The following CUBN variants were observed in gnomAD, a reference collection of about 807,000 sequenced individuals.
CUBN encodes the protein 460 kDa receptor.
A neutral mutation model predicts 405.3 loss-of-function variants in CUBN; 282 were observed. That is an observed-to-expected ratio of 0.70 (90% CI 0.63 to 0.77). The LOEUF is 0.77. Ranked by LOEUF, CUBN falls within the 30% of genes least tolerant of loss-of-function variation. CUBN has a pLI of 0.00. For synonymous variants in CUBN, 1,684 were observed against 1,617.0 expected, an observed-to-expected ratio of 1.04 and a Z score of -0.99; for missense variants, 4,514 against 4,475.2, an observed-to-expected ratio of 1.01 and a Z score of -0.25.
intron 22 of CUBN, among the ~76,000 whole-genome samples, chr10:17,054,004 T>C (rs956897997): frequency 1.3e-5 from 2 of 152,082 alleles, no homozygotes; most frequent in Admixed American, 6.5e-5. Flanking sequence ...TTGGAAAATA[T>C]TTTGAACTGG....
intron 17 of CUBN, among the ~76,000 whole-genome samples, chr10:17,075,625 T>C (rs1835841803): frequency 6.6e-6 from 1 of 152,116 alleles, no homozygotes; most frequent in Non-Finnish European, 1.5e-5. Flanking sequence ...AAAGGCCTAA[T>C]AATAGTGAGG....
Position 16,835,119 on chromosome 10 carries a change from C to T in CUBN, c.10257G>A (p.Lys3419=). The T allele has an allele frequency of 1.9e-6, 3 of 1,614,056 alleles. No individual in the cohort carries two copies. Among genetic ancestry groups the T allele is most frequent in the Non-Finnish European group, 2.5e-6 (3 of 1,179,972 alleles). Reference sequence around the variant, plus strand: ...GGGCTGTGAGAGTAACGGTGCAATCCTTGTCATTGTCGTAGTTATCTGGCC... The same window carrying T: ...GGGCTGTGAGAGTAACGGTGCAATCTTTGTCATTGTCGTAGTTATCTGGCC... ...PGWPDNYDND[K]DCTVTLTAPQ... is the part of the protein sequence containing the mutation. Residue 3419 remains lysine (K), a synonymous_variant, in exon 64 of 67, where the codon AAG becomes AAA. Coordinates refer to ENST00000377833, the MANE Select transcript of CUBN (RefSeq NM_001081.4).
chr10:16,977,134 A>G (rs1367964227), intron 31 of CUBN, among the ~76,000 whole-genome samples: 1 of 152,092 alleles, frequency 6.6e-6, no homozygotes, highest in Non-Finnish European at 1.5e-5. Flanking sequence ...ACTATCTTTG[A>G]TAGTGTGTTG....
chr10:16,893,708 T>G (rs1191891688), intron 54 of CUBN, among the ~76,000 whole-genome samples: 1 of 152,196 alleles, frequency 6.6e-6, no homozygotes, highest in Non-Finnish European at 1.5e-5. Flanking sequence ...TAGTTTGTTT[T>G]TATTCAGGAG....
chr10:16,892,586 G>A (rs1205109951), intron 54 of CUBN, among the ~76,000 whole-genome samples: 1 of 152,022 alleles, frequency 6.6e-6, no homozygotes, highest in Non-Finnish European at 1.5e-5. Context: ...CGACCTTCTG[G>A]ACTCAGGTGA....
At chr10:16,900,567 T>C (rs778664495) in intron 53 of CUBN, 58 bp downstream of exon 53, 1 of 1,274,466 alleles carries the variant, frequency 7.8e-7, no homozygotes, top group Non-Finnish European at 1.1e-6. Context: ...GTACATATTA[T>C]GAGTTCATAC....
At chr10:16,831,606 G>A (rs1838997546) in intron 64 of CUBN, among the ~76,000 whole-genome samples, 189 bp from the exon 65 acceptor site, 1 of 152,188 alleles carries the variant, frequency 6.6e-6, no homozygotes. Flanking sequence ...AATGTTCCAC[G>A]TGTAGATCAA....
chr10:16,944,373 T>C (rs1842726770), intron 36 of CUBN, among the ~76,000 whole-genome samples: 2 of 152,232 alleles, frequency 1.3e-5, no homozygotes. Context: ...AAAACTCCTT[T>C]TTAGGTTTTA....
intron 24 of CUBN, 108 bp downstream of exon 24, chr10:17,045,826 A>G: frequency 8.7e-7 from 1 of 1,150,944 alleles, no homozygotes. Context: ...TGAAGTTTAA[A>G]TACAGCTGGG....
intron 59 of CUBN, among the ~76,000 whole-genome samples, chr10:16,865,930 G>A (rs1396818448): frequency 6.6e-6 from 1 of 152,114 alleles, no homozygotes. Flanking sequence ...CTTGAAGTCA[G>A]TGAGACCACA....
chr10:17,046,434 C>A (rs1835133966), intron 23 of CUBN, among the ~76,000 whole-genome samples: 1 of 152,108 alleles, frequency 6.6e-6, no homozygotes, highest in African/African-American at 2.4e-5. Flanking sequence ...ATACTATTAA[C>A]TATATAAACA....
At chr10:16,876,790 A>C (rs530015032) in intron 57 of CUBN, 107 bp downstream of exon 57, 5 of 981,710 alleles carry the variant, frequency 5.1e-6, no homozygotes, top group Non-Finnish European at 8.0e-6. Flanking sequence ...TTTCCCTTAA[A>C]TTCTCTGAAT....
intron 54 of CUBN, among the ~76,000 whole-genome samples, chr10:16,896,776 C>T (rs74116754): frequency 0.033 from 5,003 of 152,260 alleles, 284 homozygotes; most frequent in African/African-American, 0.11. Context: ...TCTCCTCTCC[C>T]TTTGAGAGAA....
intron 46 of CUBN, among the ~76,000 whole-genome samples, chr10:16,915,613 G>C (rs1163781826): frequency 6.6e-6 from 1 of 152,126 alleles, no homozygotes; most frequent in Non-Finnish European, 1.5e-5. Context: ...CTCCAGGGTG[G>C]GCTATATGAC....
chr10:16,890,210 C>A (rs191790702), intron 55 of CUBN, among the ~76,000 whole-genome samples, 161 bp downstream of exon 55: 119 of 152,252 alleles, frequency 7.8e-4, no homozygotes, highest in Admixed American at 2.0e-3. Flanking sequence ...TCTGTTCTCA[C>A]TGCTATTTGG....
intron 8 of CUBN, among the ~76,000 whole-genome samples, chr10:17,111,806 C>A (rs892553453): frequency 6.6e-5 from 10 of 152,168 alleles, no homozygotes. Context: ...CGCCTGTAGT[C>A]CCAGCTACTT....
At chr10:16,829,355 A>C (rs201064065) in intron 65 of CUBN, among the ~76,000 whole-genome samples, 34 of 151,582 alleles carry the variant, frequency 2.2e-4, no homozygotes, top group African/African-American at 5.1e-4. Context: ...AAAAAAAAAA[A>C]AAACAAACTT....
At chr10:16,925,992 T>G (rs1588656434) in intron 41 of CUBN, among the ~76,000 whole-genome samples, 1 of 152,090 alleles carries the variant, frequency 6.6e-6, no homozygotes, top group East Asian at 1.9e-4. Flanking sequence ...GATACAGAGG[T>G]AAGTAAACAA....
chr10:17,005,865 G>T (rs77520345), intron 28 of CUBN, among the ~76,000 whole-genome samples: 3,202 of 152,252 alleles, frequency 0.021, 47 homozygotes, highest in Middle Eastern at 0.044. Flanking sequence ...CGGGGATAGG[G>T]CCTTTAAAAA....
Sources: allele counts gnomAD v4.1 joint callset (sites outside exome capture counted in the v4.1 genomes callset), GRCh38; gene constraint gnomAD v4.1.1; transcripts MANE v1.5; gene names NCBI Gene and HGNC (gene_info 2026-07-23, HGNC 2026-07-21).